HMOX2: variants seen among roughly 807,000 people sequenced by gnomAD.
HMOX2 encodes the protein heme oxygenase (decycling) 2.
Under a neutral mutation model 33.7 loss-of-function variants are expected in HMOX2, and 30 were observed. That is an observed-to-expected ratio of 0.89 (90% CI 0.67 to 1.21). HMOX2 has a LOEUF of 1.21. HMOX2 is among the 50% of genes most tolerant of loss of function. The pLI is 0.00. For synonymous variants in HMOX2, 155 were observed against 155.0 expected, an observed-to-expected ratio of 1.00 and a Z score of 0.00; for missense variants, 403 against 399.1, an observed-to-expected ratio of 1.01 and a Z score of -0.08.
chr16:4,505,237 A>G (rs1304180187), intron 1 of HMOX2, among the ~76,000 whole-genome samples: 2 of 152,194 alleles, frequency 1.3e-5, no homozygotes, highest in Non-Finnish European at 2.9e-5. Flanking sequence ...TCGCAGTACA[A>G]TTATTTTTAA....
At chr16:4,500,952 A>G (rs549356417) in intron 1 of HMOX2, among the ~76,000 whole-genome samples, 1 of 152,276 alleles carries the variant, frequency 6.6e-6, no homozygotes, top group South Asian at 2.1e-4. Context: ...GGAGTAGTGG[A>G]GGTAGATTTT....
At chr16:4,504,357 T>A (rs1201074644) in intron 1 of HMOX2, among the ~76,000 whole-genome samples, 3 of 137,004 alleles carry the variant, frequency 2.2e-5, no homozygotes, top group Admixed American at 7.1e-5. Context: ...ACTTTCAATT[T>A]TTTTTTTTTT....
intron 1 of HMOX2, among the ~76,000 whole-genome samples, chr16:4,490,938 G>T (rs557013254): frequency 6.6e-6 from 1 of 152,164 alleles, no homozygotes; most frequent in Non-Finnish European, 1.5e-5. Context: ...GTGTGCGTGC[G>T]TGCAAGCACA....
intron 1 of HMOX2, among the ~76,000 whole-genome samples, chr16:4,501,313 TG>T (rs2058552425): frequency 1.3e-5 from 2 of 152,142 alleles, no homozygotes; most frequent in African/African-American, 4.8e-5. Flanking sequence ...TTATAGTCGG[TG>T]TTTGGGATCC....
chr16:4,492,501 C>T (rs933958005), intron 1 of HMOX2, among the ~76,000 whole-genome samples: 2 of 151,792 alleles, frequency 1.3e-5, no homozygotes, highest in South Asian at 2.1e-4. Flanking sequence ...GGGCAGATCA[C>T]GAGGTCAAGA....
At chr16:4,504,451 C>T (rs117579339) in intron 1 of HMOX2, among the ~76,000 whole-genome samples, 2,064 of 138,838 alleles carry the variant, frequency 0.015, 22 homozygotes, top group Non-Finnish European at 0.021. Context: ...ACTTCTGCTT[C>T]GTAGGTTCAA....
chr16:4,505,603 C>G lies in HMOX2; in HGVS notation c.79C>G (p.Gln27Glu). ...CTCTGGGGCCCTAGAAAAGGAGAAC[C>G]AAATGAGGTGAGCGATGGGGGCTGG... ...KNSGALEKENQMRMADLSELL... is the reference protein window; with the variant it reads ...KNSGALEKENEMRMADLSELL... The change falls in exon 2 of 6, where the codon CAA becomes GAA. Residue 27 changes from glutamine (Q) to glutamate (E), a missense_variant. Coordinates refer to ENST00000570646, the MANE Select transcript of HMOX2 (RefSeq NM_002134.4). 2 of 1,593,038 alleles carry G rather than the reference C, an allele frequency of 1.3e-6. No homozygotes were observed. The highest frequency in any genetic ancestry group is 1.7e-6 in the Non-Finnish European group (2 of 1,168,162).
At chr16:4,499,122 G>T (rs993636547) in intron 1 of HMOX2, among the ~76,000 whole-genome samples, 1 of 152,162 alleles carries the variant, frequency 6.6e-6, no homozygotes, top group Non-Finnish European at 1.5e-5. Flanking sequence ...GAAATTGCTG[G>T]ATTTCTTGTT....
intron 1 of HMOX2, among the ~76,000 whole-genome samples, chr16:4,478,551 G>A (rs1275301857): frequency 6.6e-6 from 1 of 151,840 alleles, no homozygotes; most frequent in Non-Finnish European, 1.5e-5. Flanking sequence ...GGGAGATAGA[G>A]ACCAGCCTGA....
At position 4,508,101 on chromosome 16, in the gene HMOX2, T is replaced by A; in HGVS notation, c.593T>A (p.Phe198Tyr). ...GAGAATGTGGACAATGCCCAGCAGT[T>A]CAAGCAGCTCTACCGGGCCAGGATG... Reference protein sequence around the residue: ...LFENVDNAQQFKQLYRARMNA... With the variant: ...LFENVDNAQQYKQLYRARMNA... The change falls in exon 4 of 6, where the codon TTC becomes TAC. Residue 198 changes from phenylalanine to tyrosine, a missense_variant. Phe to Tyr is a conservative substitution (Grantham distance 22). Transcript: ENST00000570646. The A allele has an allele frequency of 6.2e-7, 1 of 1,614,014 alleles. No individual in the cohort carries two copies. Among genetic ancestry groups the A allele is most frequent in the South Asian group, 1.1e-5 (1 of 91,054 alleles).
intron 1 of HMOX2, chr16:4,481,943 G>A (rs1001804758): frequency 6.6e-6 from 1 of 152,256 alleles, no homozygotes; most frequent in African/African-American, 2.4e-5. Context: ...GGATAGTAGT[G>A]TTTGACGGCA....
Position 4,509,764 on chromosome 16 carries a change from A to G in HMOX2, c.*8A>G, listed in dbSNP as rs1264546481. The G allele has an allele frequency of 3.7e-6, 6 of 1,610,700 alleles. No individual in the cohort carries two copies. Among genetic ancestry groups the G allele is most frequent in the Non-Finnish European group, 5.1e-6 (6 of 1,178,950 alleles). On this transcript the variant is annotated 3_prime_UTR_variant, in exon 6 of 6. Coordinates refer to ENST00000570646, the MANE Select transcript of HMOX2 (RefSeq NM_002134.4). ...GCCTGGTACTACATGTGAAGCACCC[A>G]TCATGCCACACCGGTACCCTCCTCC...
chr16:4,506,496 A>G (rs1355201534), intron 2 of HMOX2, among the ~76,000 whole-genome samples: 1 of 152,210 alleles, frequency 6.6e-6, no homozygotes, highest in Non-Finnish European at 1.5e-5. Context: ...TGTGAATTCC[A>G]GAAGACACGT....
At chr16:4,484,681 G>A (rs959849558) in intron 1 of HMOX2, among the ~76,000 whole-genome samples, 2 of 151,528 alleles carry the variant, frequency 1.3e-5, no homozygotes, top group South Asian at 4.2e-4. Context: ...GGCTGGTCTC[G>A]AACTCCTGAC....
At chr16:4,507,364 G>A (rs759351922) in intron 3 of HMOX2, among the ~76,000 whole-genome samples, 2 of 151,842 alleles carry the variant, frequency 1.3e-5, no homozygotes, top group Non-Finnish European at 2.9e-5. Flanking sequence ...AGAGTCACTT[G>A]AACCTGGGAG....
intron 1 of HMOX2, among the ~76,000 whole-genome samples, chr16:4,500,261 A>G (rs1310661982): frequency 6.6e-6 from 1 of 152,216 alleles, no homozygotes; most frequent in African/African-American, 2.4e-5. Context: ...ACCCCCATCC[A>G]GGGTGATGGT....
chr16:4,477,023 C>T (rs997870684), intron 1 of HMOX2, among the ~76,000 whole-genome samples: 2 of 152,178 alleles, frequency 1.3e-5, no homozygotes, highest in Non-Finnish European at 2.9e-5. Context: ...ACGAGTGAAC[C>T]CTGGTACGCC....
chr16:4,476,934 G>A (rs749074309), intron 1 of HMOX2, among the ~76,000 whole-genome samples: 3 of 152,164 alleles, frequency 2.0e-5, no homozygotes, highest in Admixed American at 6.5e-5. Flanking sequence ...CCGGGCTGTT[G>A]GCATTGACCG....
At chr16:4,505,653 C>CTG in intron 2 of HMOX2, 43 bp downstream of exon 2, 1 of 1,375,894 alleles carries the variant, frequency 7.3e-7, no homozygotes, top group Non-Finnish European at 1.0e-6. Context: ...GTGGGCCCAG[C>CTG]ACCTGTCGTG....
Sources: allele counts gnomAD v4.1 joint callset (sites outside exome capture counted in the v4.1 genomes callset), GRCh38; gene constraint gnomAD v4.1.1; transcripts MANE v1.5; gene names NCBI Gene and HGNC (gene_info 2026-07-23, HGNC 2026-07-21).